C16orf46: variants seen among roughly 807,000 people sequenced by gnomAD.
C16orf46 encodes the protein uncharacterized protein C16orf46.
C16orf46 carries 7 observed loss-of-function variants against 5.5 expected under a neutral mutation model. That is an observed-to-expected ratio of 1.28 (90% CI 0.73 to 2.40). The LOEUF is 2.40. Ranked by LOEUF, C16orf46 falls within the 30% of genes most tolerant of loss-of-function variation. The pLI, the probability that C16orf46 is intolerant of heterozygous loss-of-function variation, is 0.00. For synonymous variants in C16orf46, 200 were observed against 184.1 expected (o/e 1.09, Z -0.70); for missense variants, 614 against 476.0 (o/e 1.29, Z -2.70).
At chr16:81,073,897 C>A (rs571487778) in intron 1 of C16orf46, among the ~76,000 whole-genome samples, 1 of 152,272 alleles carries the variant, frequency 6.6e-6, no homozygotes, top group South Asian at 2.1e-4. Context: ...GTGGGTTCTT[C>A]CAATAAGAGT....
intron 2 of C16orf46, among the ~76,000 whole-genome samples, 182 bp downstream of exon 2, chr16:81,066,011 G>A (rs796620053): frequency 2.2e-4 from 33 of 150,608 alleles, no homozygotes; most frequent in African/African-American, 5.4e-4. Flanking sequence ...TCAGCCTCCC[G>A]AGTAGCTGGG....
At chr16:81,068,712 A>G (rs1296798267) in intron 1 of C16orf46, among the ~76,000 whole-genome samples, 1 of 150,694 alleles carries the variant, frequency 6.6e-6, no homozygotes, top group Non-Finnish European at 1.5e-5. Context: ...ACATATATAT[A>G]TATTTTTTAG....
intron 1 of C16orf46, among the ~76,000 whole-genome samples, chr16:81,075,598 A>G (rs1029050845): frequency 1.3e-5 from 2 of 152,200 alleles, no homozygotes; most frequent in African/African-American, 4.8e-5. Context: ...AAAACAAAAC[A>G]AAGAAAATTC....
exon 4 of C16orf46, chr16:81,053,499 T>C (rs961367795): frequency 1.3e-5 from 2 of 152,214 alleles, no homozygotes; most frequent in African/African-American, 4.8e-5. Flanking sequence ...CTCATAAATA[T>C]TAGTAAGACA....
rs140080360 is a variant in C16orf46 at position 81,067,716 on chromosome 16, C to T, written c.-127-1435G>A. Among the ~76,000 whole-genome samples the T allele has an allele frequency of 1.5e-3, 221 of 152,158 alleles. 1 individual carries two copies. The highest frequency in any genetic ancestry group is 5.1e-3 in the African/African-American group (211 of 41,514). On this transcript the variant is annotated intron_variant, in intron 1 of 3. Coordinates refer to ENST00000299578, the MANE Select transcript of C16orf46 (RefSeq NM_152337.3). ...TACAGGCGTGCGCTACCATGCAGGG[C>T]TAATTTTTGTATTTTTAGTAGAAAC... is the stretch of plus-strand genomic sequence containing the variant.
downstream of C16orf46, among the ~76,000 whole-genome samples, chr16:81,058,757 C>T (rs1216026367): frequency 1.3e-5 from 2 of 152,224 alleles, no homozygotes; most frequent in Non-Finnish European, 2.9e-5. Flanking sequence ...ATTACCTGGT[C>T]ATCTTCACCA....
exon 4 of C16orf46, chr16:81,053,875 G>A (rs1331119345): frequency 1.7e-5 from 9 of 538,358 alleles, no homozygotes; most frequent in Middle Eastern, 3.0e-4. Context: ...CTAAAAGAGC[G>A]AGCCGATGAC....
chr16:81,053,976 C>T (rs555711072), exon 4 of C16orf46: 56 of 1,326,910 alleles, frequency 4.2e-5, no homozygotes, highest in Middle Eastern at 1.8e-4. Flanking sequence ...TCTGGTGATC[C>T]GCCGCTTTTC....
chr16:81,069,206 A>G (rs888521303), intron 1 of C16orf46, among the ~76,000 whole-genome samples: 12 of 152,146 alleles, frequency 7.9e-5, no homozygotes, highest in African/African-American at 2.9e-4. Flanking sequence ...AATTAGGAGG[A>G]GTACTGTCCG....
chr16:81,064,905 G>A (rs1483120364), intron 2 of C16orf46, among the ~76,000 whole-genome samples: 2 of 152,198 alleles, frequency 1.3e-5, no homozygotes, highest in Admixed American at 6.5e-5. Flanking sequence ...CCAGACCTAT[G>A]AGGTAATACA....
intron 2 of C16orf46, among the ~76,000 whole-genome samples, chr16:81,065,971 C>T (rs1410815697): frequency 2.0e-5 from 3 of 151,754 alleles, no homozygotes; most frequent in Admixed American, 6.6e-5. Context: ...GTTGTACCTC[C>T]GCTTCCCAGG....
rs760426393 is a variant in C16orf46, at chr16:81,061,890, G to A, written c.459C>T (p.Pro153=). 32 of 1,614,216 alleles carry A rather than the reference G, an allele frequency of 2.0e-5. No individual in the cohort carries two copies. In the South Asian group the frequency reaches 3.4e-4, roughly 17 times the overall value. The change falls in exon 4 of 4, where the codon CCC becomes CCT. Residue 153 remains proline, a synonymous_variant. Coordinates refer to ENST00000299578, the MANE Select transcript of C16orf46 (RefSeq NM_152337.3). ...ASRAISDICF[P]TYFRAEKKSL... is the part of the protein sequence containing the mutation. Reference sequence around the variant, plus strand: ...TTTTTTTCTCTGCTCGAAAGTAGGTGGGAAAGCAGATGTCGCTAATTGCCC... The same window carrying A: ...TTTTTTTCTCTGCTCGAAAGTAGGTAGGAAAGCAGATGTCGCTAATTGCCC...
At chr16:81,066,469 A>G (rs1971659561) in intron 1 of C16orf46, among the ~76,000 whole-genome samples, 188 bp from the exon 2 acceptor site, 1 of 152,170 alleles carries the variant, frequency 6.6e-6, no homozygotes, top group East Asian at 1.9e-4. Flanking sequence ...CCTCCCAGGT[A>G]GCTAAGACTA....
At chr16:81,065,473 CAAAAAAA>C (rs11303086) in intron 2 of C16orf46, among the ~76,000 whole-genome samples, 1 of 65,386 alleles carries the variant, frequency 1.5e-5, no homozygotes. Flanking sequence ...GAATCCGTCT[CAAAAAAA>C]AAAAAAAAAA....
intron 2 of C16orf46, 149 bp from the exon 3 acceptor site, chr16:81,064,142 G>C (rs1056934647): frequency 4.0e-5 from 21 of 522,870 alleles, no homozygotes; most frequent in African/African-American, 3.8e-4. Flanking sequence ...GAATTACTTT[G>C]AGAGGCCAAG....
chr16:81,058,583 A>T (rs1236377841), downstream of C16orf46, among the ~76,000 whole-genome samples: 3 of 152,218 alleles, frequency 2.0e-5, no homozygotes, highest in Non-Finnish European at 4.4e-5. Context: ...ATTAAAGAGT[A>T]AAGACCCATC....
intron 1 of C16orf46, among the ~76,000 whole-genome samples, chr16:81,072,577 T>C (rs1013275365): frequency 6.6e-6 from 1 of 151,200 alleles, no homozygotes; most frequent in Non-Finnish European, 1.5e-5. Flanking sequence ...AGAGATGGAG[T>C]TTCTTCATGT....
At position 81,077,166 on chromosome 16, in the gene C16orf46, G is replaced by C. The variant is rs972600392; in HGVS notation, c.-158C>G. ...GGGCCAAGCGGATGGAAGGCCCCGA[G>C]ACAGCTAGTCCCGGCCTACTGGCAA... On this transcript the variant is annotated 5_prime_UTR_variant, in exon 1 of 4. Transcript: ENST00000299578. The C allele has an allele frequency of 1.3e-5, 2 of 152,440 alleles. No individual in the cohort carries two copies. Among genetic ancestry groups the C allele is most frequent in the African/African-American group, 4.8e-5 (2 of 41,482 alleles). The allele number at this position is 152,440 out of a possible 1,614,324, so 9.4% of individuals were successfully genotyped here.
At chr16:81,056,041 A>G (rs970625303), downstream of C16orf46, 4 of 152,174 alleles carry the variant, frequency 2.6e-5, no homozygotes, top group African/African-American at 9.7e-5. Context: ...TAAAAGATAC[A>G]TGGGGAGGAA....
Sources: allele counts gnomAD v4.1 joint callset (sites outside exome capture counted in the v4.1 genomes callset), GRCh38; gene constraint gnomAD v4.1.1; transcripts MANE v1.5; gene names NCBI Gene and HGNC (gene_info 2026-07-23, HGNC 2026-07-21).